Variants in UGGT2 observed in about 807,000 individuals in gnomAD.
UGGT2 encodes UDP-glucose glycoprotein glucosyltransferase 2, also known as UDP-glucose:glycoprotein glucosyltransferase 2.
In UGGT2, 180 loss-of-function variants were observed where a neutral mutation model predicts 192.1. The ratio of observed to expected loss-of-function variants is 0.94; its 90% CI spans 0.83 to 1.06. The LOEUF (loss-of-function observed/expected upper bound fraction) is 1.06, where lower values mean the gene tolerates loss of function less well. UGGT2 is among the 50% of genes least tolerant of loss of function. UGGT2 has a pLI of 0.00. For synonymous variants in UGGT2, 580 were observed against 591.0 expected (o/e 0.98, Z 0.27); for missense variants, 1,849 against 1,795.7 (o/e 1.03, Z -0.54).
chr13:95,934,924 G>A (rs1421305686), intron 17 of UGGT2, among the ~76,000 whole-genome samples: 1 of 152,156 alleles, frequency 6.6e-6, no homozygotes, highest in East Asian at 1.9e-4. Flanking sequence ...GGAAGTATTT[G>A]TTTTACGAAT....
At chr13:95,874,858 CT>C (rs1457312172) in intron 29 of UGGT2, among the ~76,000 whole-genome samples, 1 of 152,026 alleles carries the variant, frequency 6.6e-6, no homozygotes, top group Non-Finnish European at 1.5e-5. Context: ...TGCCTGCCTA[CT>C]TTTTTGATTT....
intron 20 of UGGT2, among the ~76,000 whole-genome samples, chr13:95,907,917 AGGCTTCAGAAGGTT>A (rs2048344878): frequency 6.6e-6 from 1 of 152,224 alleles, no homozygotes; most frequent in Non-Finnish European, 1.5e-5. Flanking sequence ...TGACAGAAGT[AGGCTTCAGAAGGTT>A]GGTAATAACA....
At chr13:95,930,178 G>C (rs1356521358) in intron 17 of UGGT2, among the ~76,000 whole-genome samples, 2 of 152,086 alleles carry the variant, frequency 1.3e-5, no homozygotes, top group Non-Finnish European at 2.9e-5. Context: ...TTAGAATTTT[G>C]TCGGATATAC....
intron 30 of UGGT2, among the ~76,000 whole-genome samples, chr13:95,864,998 G>A (rs369688056): frequency 6.6e-6 from 1 of 152,158 alleles, no homozygotes; most frequent in African/African-American, 2.4e-5. Flanking sequence ...TTGTTTTGCT[G>A]TCTTTTAACA....
intron 37 of UGGT2, among the ~76,000 whole-genome samples, chr13:95,836,648 G>A (rs1349163841): frequency 6.6e-6 from 1 of 152,182 alleles, no homozygotes; most frequent in Non-Finnish European, 1.5e-5. Flanking sequence ...GGACACTGGG[G>A]TTTCTAATAA....
chr13:95,932,311 TTGTGTGTGTGTGTGTG>T (rs67135742), intron 17 of UGGT2, among the ~76,000 whole-genome samples: 2,856 of 139,506 alleles, frequency 0.02, 33 homozygotes, highest in Non-Finnish European at 0.031. Flanking sequence ...GGTATTTTAT[TTGTGTGTGTGTGTGTG>T]TGTGTGTGTG....
chr13:96,053,362 T>C lies in UGGT2; in HGVS notation c.-50A>G, dbSNP rs979567859. The C allele has an allele frequency of 2.6e-6, 4 of 1,548,488 alleles. No individual in the cohort carries two copies. The highest frequency in any genetic ancestry group is 1.4e-5 in the African/African-American group (1 of 71,022). On this transcript the variant is annotated 5_prime_UTR_variant, in exon 1 of 39. Coordinates refer to ENST00000376747, the MANE Select transcript of UGGT2 (RefSeq NM_020121.4). The stretch of plus-strand genomic sequence containing the variant: ...CCTCGGACCCGGTACCCACAGTCTG[T>C]GGCCGCCACGCTTCGGCCGGCTCTT...
intron 15 of UGGT2, among the ~76,000 whole-genome samples, chr13:95,943,143 C>T (rs2140555655): frequency 6.6e-6 from 1 of 152,110 alleles, no homozygotes; most frequent in Non-Finnish European, 1.5e-5. Flanking sequence ...ATGACAAGTC[C>T]CATCACTTTA....
At chr13:95,824,742 G>A (rs1885847683) in intron 38 of UGGT2, among the ~76,000 whole-genome samples, 1 of 152,030 alleles carries the variant, frequency 6.6e-6, no homozygotes, top group Admixed American at 6.6e-5. Context: ...CTTGAGTAGT[G>A]TAATAATCTT....
intron 38 of UGGT2, among the ~76,000 whole-genome samples, chr13:95,807,467 T>C (rs1295399307): frequency 6.6e-6 from 1 of 152,150 alleles, no homozygotes; most frequent in Non-Finnish European, 1.5e-5. Flanking sequence ...TTAGTTTCAG[T>C]CTCCATATCA....
chr13:95,914,161 A>G (rs59592654), intron 20 of UGGT2, among the ~76,000 whole-genome samples: 58,301 of 151,410 alleles, frequency 0.39, 11,333 homozygotes, highest in Middle Eastern at 0.41. Context: ...ATGAGTTGAT[A>G]GGTACAGCAA....
At chr13:95,820,187 CT>C (rs1221772017) in intron 38 of UGGT2, among the ~76,000 whole-genome samples, 1 of 151,648 alleles carries the variant, frequency 6.6e-6, no homozygotes, top group African/African-American at 2.4e-5. Context: ...GAAACAAAGA[CT>C]TTTTTTTAAA....
At chr13:95,809,626 GGT>G in intron 38 of UGGT2, 1 of 231,018 alleles carries the variant, frequency 4.3e-6, no homozygotes, top group South Asian at 6.5e-5. Context: ...CAGCAGGGAG[GGT>G]GTGTGCCAAG....
chr13:95,950,235 T>C (rs2050013582), intron 12 of UGGT2, among the ~76,000 whole-genome samples: 2 of 149,896 alleles, frequency 1.3e-5, no homozygotes, highest in Non-Finnish European at 3.0e-5. Flanking sequence ...CCTGCACATA[T>C]ACATGGTAAC....
chr13:95,824,917 T>C (rs1252528709), intron 38 of UGGT2, among the ~76,000 whole-genome samples: 1 of 152,166 alleles, frequency 6.6e-6, no homozygotes, highest in Admixed American at 6.6e-5. Flanking sequence ...CTTCTAATTG[T>C]TCTTTATTTT....
intron 17 of UGGT2, among the ~76,000 whole-genome samples, chr13:95,935,720 T>C (rs1425227327): frequency 1.3e-5 from 2 of 152,228 alleles, no homozygotes; most frequent in Non-Finnish European, 2.9e-5. Flanking sequence ...CCCTCAAATA[T>C]GTTTTCCTGG....
intron 2 of UGGT2, among the ~76,000 whole-genome samples, chr13:96,026,651 T>C (rs1449907302): frequency 2.0e-5 from 3 of 149,784 alleles, no homozygotes; most frequent in Non-Finnish European, 3.0e-5. Context: ...ATTGCCTCTT[T>C]CACTCTTCTT....
At chr13:95,810,307 C>T (rs1448435617) in intron 38 of UGGT2, among the ~76,000 whole-genome samples, 2 of 152,238 alleles carry the variant, frequency 1.3e-5, no homozygotes, top group Middle Eastern at 3.4e-3. Context: ...AGCAGATACA[C>T]CACTTGAGCT....
At chr13:95,932,298 C>T (rs1288018860) in intron 17 of UGGT2, among the ~76,000 whole-genome samples, 14 of 131,670 alleles carry the variant, frequency 1.1e-4, no homozygotes, top group African/African-American at 3.5e-4. Flanking sequence ...AGCTGTATTC[C>T]TAGGTATTTT....
Sources: allele counts gnomAD v4.1 joint callset (sites outside exome capture counted in the v4.1 genomes callset), GRCh38; gene constraint gnomAD v4.1.1; transcripts MANE v1.5; gene names NCBI Gene and HGNC (gene_info 2026-07-23, HGNC 2026-07-21).